Variants in PEBP4 observed in about 807,000 individuals in gnomAD.
PEBP4 encodes the protein phosphatidylethanolamine binding protein 4, also known as phosphatidylethanolamine-binding protein 4.
Under a neutral mutation model 23.9 loss-of-function variants are expected in PEBP4, and 22 were observed. The observed-to-expected ratio is 0.92, with a 90% CI of 0.66 to 1.31. The LOEUF is 1.31. PEBP4 is among the 40% of genes most tolerant of loss of function. The pLI, the probability that PEBP4 is intolerant of heterozygous loss-of-function variation, is 0.00. For synonymous variants in PEBP4, 112 were observed against 99.3 expected (o/e 1.13, Z -0.76); for missense variants, 324 against 281.7 (o/e 1.15, Z -1.07).
At chr8:22,909,041 T>A (rs1808878321) in intron 3 of PEBP4, among the ~76,000 whole-genome samples, 1 of 152,134 alleles carries the variant, frequency 6.6e-6, no homozygotes, top group African/African-American at 2.4e-5. Context: ...CCGACCCAAA[T>A]CAGGGATCCT....
At chr8:22,742,093 C>T (rs1349774420) in intron 4 of PEBP4, among the ~76,000 whole-genome samples, 1 of 152,160 alleles carries the variant, frequency 6.6e-6, no homozygotes, top group Non-Finnish European at 1.5e-5. Flanking sequence ...CAGAGGCCTT[C>T]CTCTGAGGAG....
rs1416322917 is a variant in PEBP4 at position 22,887,953 on chromosome 8, C to A, written c.258+32231G>T. 8 of 152,118 alleles carry A rather than the reference C, an allele frequency of 5.3e-5. 1 individual carries two copies. 9.4% of individuals were successfully genotyped at this position (152,118 alleles called of 1,614,324 possible). ...CTTTTCACTGTGACCCTTATCTGTA[C>A]ACCTGCTAACTCAAAATAATTTAAT... On this transcript the variant is annotated intron_variant, in intron 3 of 6. Coordinates refer to ENST00000256404, the MANE Select transcript of PEBP4 (RefSeq NM_144962.3).
intron 2 of PEBP4, among the ~76,000 whole-genome samples, chr8:22,921,034 AAT>A (rs1809188918): frequency 6.6e-6 from 1 of 152,250 alleles, no homozygotes; most frequent in African/African-American, 2.4e-5. Flanking sequence ...AAGGGAAGAA[AAT>A]ATGATGCAGA....
intron 2 of PEBP4, among the ~76,000 whole-genome samples, chr8:22,924,304 C>T (rs574788944): frequency 6.6e-6 from 1 of 152,302 alleles, no homozygotes; most frequent in African/African-American, 2.4e-5. Context: ...TTCAAGGCTG[C>T]AGTGAGCTAT....
At chr8:22,750,086 G>A (rs1270921164) in intron 4 of PEBP4, among the ~76,000 whole-genome samples, 4 of 151,968 alleles carry the variant, frequency 2.6e-5, no homozygotes, top group African/African-American at 7.2e-5. Context: ...GATTACAGGC[G>A]TGAGCCACCG....
chr8:22,884,507 G>C (rs1031069775), intron 3 of PEBP4: 1 of 152,142 alleles, frequency 6.6e-6, no homozygotes, highest in Non-Finnish European at 1.5e-5. Context: ...AGTGCAGATC[G>C]TGACTTAAGG....
chr8:22,921,037 A>T (rs7842283), intron 2 of PEBP4, among the ~76,000 whole-genome samples: 1,911 of 152,352 alleles, frequency 0.013, 40 homozygotes, highest in African/African-American at 0.044. Flanking sequence ...GGAAGAAAAT[A>T]TGATGCAGAG....
Position 22,776,133 on chromosome 8 carries a change from G to A in PEBP4, c.357+41504C>T, listed in dbSNP as rs151055368. On this transcript the variant is annotated intron_variant, in intron 4 of 6. Coordinates refer to ENST00000256404, the MANE Select transcript of PEBP4 (RefSeq NM_144962.3). ...ACCAAAGTAATACTTAGAAAGCCTC[G>A]TGAGGGGCAGCGGTTTCTTTGAAGA... 6.3e-3 allele frequency among the ~76,000 whole-genome samples: 953 copies of A among 152,266 alleles called. 22 individuals are homozygous for A. The East Asian group carries it at 0.082, about 13-fold the overall frequency.
chr8:22,717,554 C>T (rs1298665973), intron 6 of PEBP4, among the ~76,000 whole-genome samples: 1 of 152,212 alleles, frequency 6.6e-6, no homozygotes, highest in Non-Finnish European at 1.5e-5. Context: ...CCCATGGGCC[C>T]CCGTTCAGGT....
At chr8:22,858,154 A>G (rs1288398902) in intron 3 of PEBP4, among the ~76,000 whole-genome samples, 1 of 152,222 alleles carries the variant, frequency 6.6e-6, no homozygotes, top group Non-Finnish European at 1.5e-5. Flanking sequence ...AGCAGCACCC[A>G]CAGACCCAGC....
At chr8:22,818,829 G>C (rs560538276) in intron 3 of PEBP4, among the ~76,000 whole-genome samples, 80 of 152,250 alleles carry the variant, frequency 5.3e-4, no homozygotes, top group African/African-American at 1.8e-3. Context: ...AGTATTTTTA[G>C]GTAAAATCGG....
At chr8:22,831,264 T>G (rs1807079003) in intron 3 of PEBP4, among the ~76,000 whole-genome samples, 1 of 152,208 alleles carries the variant, frequency 6.6e-6, no homozygotes, top group Non-Finnish European at 1.5e-5. Flanking sequence ...TTCCCTCTGA[T>G]GCTCATCTCA....
intron 3 of PEBP4, among the ~76,000 whole-genome samples, chr8:22,831,741 T>C (rs946053962): frequency 6.6e-6 from 1 of 152,170 alleles, no homozygotes. Context: ...ATGCTACCGC[T>C]GAGCTGGTCC....
At chr8:22,714,288 A>G (rs1391716603) in intron 6 of PEBP4, among the ~76,000 whole-genome samples, 2 of 152,164 alleles carry the variant, frequency 1.3e-5, no homozygotes, top group Non-Finnish European at 2.9e-5. Context: ...AGCCTGGGGC[A>G]TGGAGTGAGG....
At chr8:22,845,845 C>T (rs1262900705) in intron 3 of PEBP4, among the ~76,000 whole-genome samples, 1 of 152,246 alleles carries the variant, frequency 6.6e-6, no homozygotes, top group Non-Finnish European at 1.5e-5. Flanking sequence ...ACAAGCTGCT[C>T]AGCTCCTCTC....
intron 4 of PEBP4, among the ~76,000 whole-genome samples, chr8:22,806,688 C>A (rs2128759781): frequency 6.6e-6 from 1 of 151,894 alleles, no homozygotes; most frequent in Non-Finnish European, 1.5e-5. Context: ...TCACCAGGGA[C>A]CAACTAGAAG....
rs114276232 is a variant in PEBP4 at position 22,774,482 on chromosome 8, C to A, written c.357+43155G>T. Among the ~76,000 whole-genome samples the A allele has an allele frequency of 5.4e-3, 816 of 152,320 alleles. 6 individuals carry two copies. The highest frequency in any genetic ancestry group is 0.019 in the African/African-American group (792 of 41,564). On this transcript the variant is annotated intron_variant, in intron 4 of 6. Transcript: ENST00000256404. ...GTACTCTTCAGAGCCCCATAGGCAG[C>A]TGTCTACTCACTGACACACAGGTTT...
chr8:22,720,192 A>G (rs948443334), intron 6 of PEBP4, among the ~76,000 whole-genome samples: 10 of 152,296 alleles, frequency 6.6e-5, no homozygotes, highest in Admixed American at 6.5e-4. Context: ...TAGAAATACA[A>G]AAGAGATCAA....
chr8:22,747,705 A>AG (rs1805156221), intron 4 of PEBP4: 1 of 152,212 alleles, frequency 6.6e-6, no homozygotes, highest in African/African-American at 2.4e-5. Context: ...AAAGGCTTAA[A>AG]GAATTCACAG....
Sources: allele counts gnomAD v4.1 joint callset (sites outside exome capture counted in the v4.1 genomes callset), GRCh38; gene constraint gnomAD v4.1.1; transcripts MANE v1.5; gene names NCBI Gene and HGNC (gene_info 2026-07-23, HGNC 2026-07-21).